Variants in C9 observed in about 807,000 individuals in gnomAD.
C9 encodes the protein complement component C9.
In C9, 63 loss-of-function variants were observed where a neutral mutation model predicts 65.4. The observed-to-expected ratio is 0.96, with a 90% CI of 0.79 to 1.19. C9 has a LOEUF of 1.19. Among genes scored for constraint, C9 ranks in the 50% most tolerant of loss-of-function variants. The probability of loss-of-function intolerance (pLI) is 0.00; values close to 1 mark genes in which losing one functional copy is unlikely to be tolerated. For synonymous variants in C9, 229 were observed against 227.9 expected, an observed-to-expected ratio of 1.00 and a Z score of -0.04; for missense variants, 744 against 670.1, an observed-to-expected ratio of 1.11 and a Z score of -1.22.
intron 4 of C9, among the ~76,000 whole-genome samples, chr5:39,336,364 A>C (rs1383620545): frequency 2.0e-5 from 3 of 152,092 alleles, no homozygotes; most frequent in Non-Finnish European, 4.4e-5. Flanking sequence ...CTAATGTAAT[A>C]TAGTTTATTT....
intron 1 of C9, among the ~76,000 whole-genome samples, chr5:39,354,369 T>C (rs1361374403): frequency 1.3e-5 from 2 of 152,176 alleles, no homozygotes; most frequent in African/African-American, 2.4e-5. Flanking sequence ...AAAATTGTGA[T>C]CCCCATTCTA....
intron 5 of C9, among the ~76,000 whole-genome samples, chr5:39,328,505 A>C (rs931525856): frequency 6.6e-6 from 1 of 152,226 alleles, no homozygotes; most frequent in African/African-American, 2.4e-5. Context: ...TAAGTTTACA[A>C]GTAGGGCAGA....
chr5:39,286,056 C>T (rs995348883), intron 10 of C9, among the ~76,000 whole-genome samples: 1 of 152,030 alleles, frequency 6.6e-6, no homozygotes, highest in Non-Finnish European at 1.5e-5. Flanking sequence ...TTTGAAAGGT[C>T]AACCAAACAA....
At chr5:39,294,954 C>T (rs2111849754) in intron 9 of C9, among the ~76,000 whole-genome samples, 1 of 151,882 alleles carries the variant, frequency 6.6e-6, no homozygotes, top group Admixed American at 6.6e-5. Context: ...AAATTATGAA[C>T]AGAAACCATG....
At chr5:39,361,389 G>T (rs1401121351) in intron 1 of C9, among the ~76,000 whole-genome samples, 2 of 152,140 alleles carry the variant, frequency 1.3e-5, no homozygotes, top group African/African-American at 4.8e-5. Context: ...GATACTCAAT[G>T]TATACCTTGT....
chr5:39,341,404 T>C lies in C9; in HGVS notation c.329-111A>G, dbSNP rs1162229459. On this transcript the variant is annotated intron_variant, in intron 3 of 10. Coordinates refer to ENST00000263408, the MANE Select transcript of C9 (RefSeq NM_001737.5). The stretch of plus-strand genomic sequence containing the variant: ...GGAGGTGAGGTATCAGAAAAACACA[T>C]TTGAGTTCTTTGTACAGAATATATA... 16 of 1,447,586 alleles carry C rather than the reference T, an allele frequency of 1.1e-5. No homozygotes were observed. In the East Asian group the frequency reaches 3.2e-4, roughly 29 times the overall value. 89.7% of individuals were successfully genotyped at this position (1,447,586 alleles called of 1,614,324 possible). A position where few individuals can be genotyped will look rare whatever the true frequency, so the allele number is the denominator to read the frequency against.
intron 4 of C9, among the ~76,000 whole-genome samples, chr5:39,332,278 C>CA (rs1471560883): frequency 6.6e-6 from 1 of 152,140 alleles, no homozygotes; most frequent in East Asian, 1.9e-4. Context: ...TCACTCACCC[C>CA]ATTCTCTTTA....
At chr5:39,352,637 C>T (rs1425526699) in intron 1 of C9, among the ~76,000 whole-genome samples, 3 of 152,282 alleles carry the variant, frequency 2.0e-5, no homozygotes, top group South Asian at 4.1e-4. Flanking sequence ...TCAAACCCAT[C>T]CATTCTCTTC....
intron 5 of C9, among the ~76,000 whole-genome samples, chr5:39,322,056 A>G (rs1402715492): frequency 6.6e-6 from 1 of 152,106 alleles, no homozygotes; most frequent in Non-Finnish European, 1.5e-5. Flanking sequence ...ACATGTTTTT[A>G]TCAAGCACAC....
intron 9 of C9, among the ~76,000 whole-genome samples, chr5:39,296,669 C>T (rs1202368965): frequency 6.6e-6 from 1 of 151,504 alleles, no homozygotes; most frequent in Non-Finnish European, 1.5e-5. Flanking sequence ...GCATTATTCA[C>T]AGTAGCCACA....
At chr5:39,297,695 A>T (rs1753210076) in intron 9 of C9, among the ~76,000 whole-genome samples, 1 of 151,758 alleles carries the variant, frequency 6.6e-6, no homozygotes, top group Non-Finnish European at 1.5e-5. Flanking sequence ...GCACCCAATG[A>T]CAGAACTTTA....
At chr5:39,293,518 A>G (rs1753132447) in intron 9 of C9, among the ~76,000 whole-genome samples, 2 of 152,036 alleles carry the variant, frequency 1.3e-5, no homozygotes, top group African/African-American at 4.8e-5. Context: ...AAATATAACA[A>G]TTTTAAATAT....
chr5:39,325,304 A>G (rs1579859502), intron 5 of C9, among the ~76,000 whole-genome samples: 1 of 152,182 alleles, frequency 6.6e-6, no homozygotes. Flanking sequence ...CCCTTTAGCC[A>G]TTAAGTTTTG....
chr5:39,301,375 C>A (rs966751272), intron 9 of C9, among the ~76,000 whole-genome samples: 1 of 151,600 alleles, frequency 6.6e-6, no homozygotes, highest in African/African-American at 2.4e-5. Context: ...AATGTGGGAC[C>A]CTAGATTGGA....
chr5:39,308,070 C>T (rs967577061), intron 8 of C9, among the ~76,000 whole-genome samples, 160 bp downstream of exon 8: 9 of 152,254 alleles, frequency 5.9e-5, no homozygotes, highest in South Asian at 4.1e-4. Flanking sequence ...CATGTCCATG[C>T]GCTATCGGTG....
rs1753843194 is a variant in C9 at position 39,331,719 on chromosome 5, G to A, written c.572C>T (p.Thr191Ile). Residue 191 changes from threonine to isoleucine, a missense_variant, in exon 5 of 11, where the codon ACA becomes ATA. Coordinates refer to ENST00000263408, the MANE Select transcript of C9 (RefSeq NM_001737.5). ...CACGTTCCAAGGTCTTCGGTAGTAT[G>A]TCAGAGTGTTTCCATCCCGATCCCG... The part of the protein sequence containing the change: ...CNRDRDGNTL[T>I]YYRRPWNVAS... 6.2e-7 allele frequency: 1 copy of A among 1,613,644 alleles called. No homozygotes were observed. The highest frequency in any genetic ancestry group is 8.5e-7 in the Non-Finnish European group (1 of 1,179,650).
At position 39,298,395 on chromosome 5, in the gene C9, T is replaced by C. The variant is rs370001137; in HGVS notation, c.1416+8222A>G. Among the ~76,000 whole-genome samples the C allele has an allele frequency of 8.8e-4, 134 of 151,442 alleles. No homozygotes were observed. In the South Asian group the frequency reaches 0.027, roughly 31 times the overall value. The stretch of plus-strand genomic sequence containing the variant: ...TTGAGATTACAAAAAATGATAAACC[T>C]CTACCAGATTAATTAAAAATCAAAC... On this transcript the variant is annotated intron_variant, in intron 9 of 10. Coordinates refer to ENST00000263408, the MANE Select transcript of C9 (RefSeq NM_001737.5).
At chr5:39,336,868 C>T (rs1357645342) in intron 4 of C9, among the ~76,000 whole-genome samples, 1 of 152,096 alleles carries the variant, frequency 6.6e-6, no homozygotes, top group Non-Finnish European at 1.5e-5. Flanking sequence ...TTTTTATGCT[C>T]CATTATCTAA....
intron 6 of C9, among the ~76,000 whole-genome samples, chr5:39,313,682 T>G (rs1753525573): frequency 6.6e-6 from 1 of 152,184 alleles, no homozygotes; most frequent in Non-Finnish European, 1.5e-5. Context: ...TGTTTTCTAT[T>G]GAAATTCAGG....
Sources: allele counts gnomAD v4.1 joint callset (sites outside exome capture counted in the v4.1 genomes callset), GRCh38; gene constraint gnomAD v4.1.1; transcripts MANE v1.5; gene names NCBI Gene and HGNC (gene_info 2026-07-23, HGNC 2026-07-21).